The following ANK3 variants were observed in gnomAD, a reference collection of about 807,000 sequenced individuals.
ANK3 encodes the protein ankyrin-3.
In ANK3, 57 loss-of-function variants were observed where a neutral mutation model predicts 370.9. That is an observed-to-expected ratio of 0.15 (90% CI 0.12 to 0.19). ANK3 has a LOEUF of 0.19. Among genes scored for constraint, ANK3 ranks in the 10% least tolerant of loss-of-function variants. ANK3 has a pLI of 1.00. For synonymous variants in ANK3, 1,929 were observed against 1,946.3 expected (o/e 0.99, Z 0.23); for missense variants, 4,439 against 5,302.1 (o/e 0.84, Z 5.06).
chr10:60,137,711 C>A, intron 24 of ANK3, among the ~76,000 whole-genome samples: 1 of 151,976 alleles, frequency 6.6e-6, no homozygotes, highest in East Asian at 1.9e-4. Flanking sequence ...TTCTGGTTTC[C>A]TATGTCACTG....
chr10:60,636,257 T>C (rs969930718), intron 1 of ANK3, among the ~76,000 whole-genome samples: 4 of 152,150 alleles, frequency 2.6e-5, no homozygotes, highest in African/African-American at 9.7e-5. Flanking sequence ...AACCCTTGCT[T>C]ATACATTCAA....
intron 43 of ANK3, among the ~76,000 whole-genome samples, chr10:60,040,625 T>G (rs1386596675): frequency 6.6e-6 from 1 of 152,176 alleles, no homozygotes; most frequent in African/African-American, 2.4e-5. Flanking sequence ...TTTTAAAACT[T>G]TCTTTATATT....
chr10:60,582,581 C>T (rs2077770030), intron 2 of ANK3, among the ~76,000 whole-genome samples: 1 of 151,588 alleles, frequency 6.6e-6, no homozygotes, highest in Non-Finnish European at 1.5e-5. Flanking sequence ...TGTACCACCT[C>T]AAGGTCACTA....
Position 60,029,345 on chromosome 10 carries a change from G to A in ANK3, c.*501C>T, listed in dbSNP as rs1249471401. On this transcript the variant is annotated 3_prime_UTR_variant, in exon 44 of 44. Coordinates refer to ENST00000280772, the MANE Select transcript of ANK3 (RefSeq NM_020987.5). The stretch of plus-strand genomic sequence containing the variant: ...CTATTTTTCTGTTAGAATTTATACA[G>A]TGTTATTATTTACAGCAAAACTATC... 4 of 152,480 alleles carry A rather than the reference G, an allele frequency of 2.6e-5. No individual in the cohort carries two copies. The highest frequency in any genetic ancestry group is 1.3e-4 in the Admixed American group (2 of 15,266). The allele number at this position is 152,480 out of a possible 1,614,324, so 9.4% of individuals were successfully genotyped here. A position where few individuals can be genotyped will look rare whatever the true frequency, so the allele number is the denominator to read the frequency against.
intron 8 of ANK3, among the ~76,000 whole-genome samples, chr10:60,226,480 T>A (rs528886836): frequency 0.014 from 1,213 of 84,152 alleles, 26 homozygotes; most frequent in African/African-American, 0.091. Flanking sequence ...GTATATATAC[T>A]ATATATATAC....
intron 1 of ANK3, among the ~76,000 whole-genome samples, chr10:60,643,991 T>C (rs1588963008): frequency 6.6e-6 from 1 of 152,212 alleles, no homozygotes; most frequent in South Asian, 2.1e-4. Flanking sequence ...CCTAAAAATA[T>C]CCCCTCCTGG....
At chr10:60,320,196 T>A (rs1006581751) in intron 1 of ANK3, among the ~76,000 whole-genome samples, 3 of 152,220 alleles carry the variant, frequency 2.0e-5, no homozygotes, top group African/African-American at 4.8e-5. Context: ...TTGTCTCAAA[T>A]CTTCCATGTG....
intron 7 of ANK3, among the ~76,000 whole-genome samples, chr10:60,257,003 G>T (rs756088748): frequency 4.6e-5 from 7 of 152,172 alleles, no homozygotes; most frequent in Non-Finnish European, 7.3e-5. Flanking sequence ...GGATTGCTGG[G>T]TTGAATGGTA....
intron 2 of ANK3, among the ~76,000 whole-genome samples, chr10:60,457,000 T>C (rs1162972313): frequency 6.6e-6 from 1 of 152,102 alleles, no homozygotes; most frequent in Non-Finnish European, 1.5e-5. Flanking sequence ...TTTTCTAGTC[T>C]TCTGGCCAAA....
Position 60,234,752 on chromosome 10 carries a change from C to T in ANK3, c.833G>A (p.Arg278Lys). The T allele has an allele frequency of 6.2e-7, 1 of 1,613,098 alleles. No individual in the cohort carries two copies. The highest frequency in any genetic ancestry group is 8.5e-7 in the Non-Finnish European group (1 of 1,179,218). Residue 278 changes from arginine (R) to lysine (K), a missense_variant, in exon 8 of 44, where the codon AGA (arginine) becomes AAA (lysine). Physicochemically the swap from Arg to Lys is conservative, Grantham distance 26. This residue lies in a region of ANK3 where 227 missense variants were observed against 377.6 expected (regional missense o/e 0.60). Coordinates refer to ENST00000280772, the MANE Select transcript of ANK3 (RefSeq NM_020987.5). ...DITPLHVASK[R>K]GNANMVKLLL... is the part of the protein sequence containing the mutation. The stretch of plus-strand genomic sequence containing the variant: ...TAGTTTTACCATATTTGCATTTCCT[C>T]TTTTTGATGCAACATGTAAAGGAGT...
intron 18 of ANK3, among the ~76,000 whole-genome samples, chr10:60,180,545 G>A (rs1390967214): frequency 7.4e-6 from 1 of 135,750 alleles, no homozygotes; most frequent in Non-Finnish European, 1.5e-5. Context: ...GCAGTGAGCC[G>A]AGGTCAAGCC....
chr10:60,601,013 A>T (rs1280793084), intron 2 of ANK3, among the ~76,000 whole-genome samples: 2 of 152,178 alleles, frequency 1.3e-5, no homozygotes, highest in Non-Finnish European at 2.9e-5. Flanking sequence ...TCCCCAAATA[A>T]GAAATATGTA....
rs36033791 is a variant in ANK3, at chr10:60,141,561, G to GTTTTTTT, written c.2615-2481_2615-2475dup. 7.3e-4 allele frequency among the ~76,000 whole-genome samples: 36 copies of GTTTTTTT among 49,016 alleles called. 3 individuals are homozygous for GTTTTTTT. Among genetic ancestry groups the GTTTTTTT allele is most frequent in the African/African-American group, 2.0e-3 (22 of 10,748 alleles). 32.2% of individuals were successfully genotyped at this position (49,016 alleles called of 152,430 possible). ...CACTGGAGAGGCCATTTCAATTGCT[G>GTTTTTTT]TTTTTTTTTTTTTTTTTTTTTTTTT... is the stretch of plus-strand genomic sequence containing the variant. On this transcript the variant is annotated intron_variant, in intron 23 of 43. Coordinates refer to ENST00000280772, the MANE Select transcript of ANK3 (RefSeq NM_020987.5).
intron 23 of ANK3, among the ~76,000 whole-genome samples, chr10:60,165,590 G>A (rs1256248541): frequency 6.6e-6 from 1 of 152,160 alleles, no homozygotes; most frequent in African/African-American, 2.4e-5. Flanking sequence ...AAAGATTAAA[G>A]TGGCTTCAGA....
intron 1 of ANK3, among the ~76,000 whole-genome samples, chr10:60,724,667 A>G (rs2046541590): frequency 6.6e-6 from 1 of 152,246 alleles, no homozygotes. Context: ...CAAGGAACTT[A>G]ATTTTTAAAT....
chr10:60,207,287 A>G (rs1205508966), intron 10 of ANK3, among the ~76,000 whole-genome samples: 1 of 152,164 alleles, frequency 6.6e-6, no homozygotes, highest in Non-Finnish European at 1.5e-5. Context: ...CACTCTTTGG[A>G]AAGGGGCAAA....
intron 2 of ANK3, among the ~76,000 whole-genome samples, chr10:60,610,295 T>C (rs1175621821): frequency 6.6e-6 from 1 of 152,096 alleles, no homozygotes; most frequent in Non-Finnish European, 1.5e-5. Context: ...GCAGATCACC[T>C]GGGGTCAGGA....
At chr10:60,168,030 T>C (rs879304750) in intron 21 of ANK3, among the ~76,000 whole-genome samples, 49 of 152,114 alleles carry the variant, frequency 3.2e-4, no homozygotes, top group Non-Finnish European at 6.2e-4. Context: ...TCATTGATAG[T>C]ATTATTATTA....
chr10:60,570,223 C>G (rs1254656224), intron 2 of ANK3, among the ~76,000 whole-genome samples: 1 of 152,128 alleles, frequency 6.6e-6, no homozygotes, highest in African/African-American at 2.4e-5. Context: ...TACAAGGCAG[C>G]ATGCTGAGTG....
Sources: gnomAD v4.1 joint callset for allele counts (sites outside exome capture counted in the v4.1 genomes callset) on GRCh38, gnomAD v4.1.1 for gene constraint, gnomAD v4.1.1 regional missense constraint, MANE v1.5 for transcripts, NCBI Gene and HGNC (gene_info 2026-07-23, HGNC 2026-07-21) for gene names.